PDE4D: variants seen among roughly 807,000 people sequenced by gnomAD.
PDE4D encodes the protein 3',5'-cyclic-AMP phosphodiesterase 4D.
Under a neutral mutation model 87.4 loss-of-function variants are expected in PDE4D, and 24 were observed. The observed-to-expected ratio is 0.27, with a 90% CI of 0.20 to 0.39. The LOEUF (loss-of-function observed/expected upper bound fraction) is 0.39, where lower values mean the gene tolerates loss of function less well. Among genes scored for constraint, PDE4D ranks in the 10% least tolerant of loss-of-function variants. The pLI, the probability that PDE4D is intolerant of heterozygous loss-of-function variation, is 1.00. For missense variants in PDE4D, 714 were observed against 1,041.0 expected, an observed-to-expected ratio of 0.69 and a Z score of 4.32; for synonymous variants, 384 against 383.2, an observed-to-expected ratio of 1.00 and a Z score of -0.02.
intron 1 of PDE4D, among the ~76,000 whole-genome samples, chr5:59,641,504 T>C (rs1300621811): frequency 2.0e-5 from 3 of 152,186 alleles, no homozygotes; most frequent in Non-Finnish European, 4.4e-5. Flanking sequence ...TTTCTATAGA[T>C]CTAACTTTGT....
At chr5:60,269,747 A>G (rs1750618622) in intron 1 of PDE4D, among the ~76,000 whole-genome samples, 1 of 152,236 alleles carries the variant, frequency 6.6e-6, no homozygotes, top group African/African-American at 2.4e-5. Context: ...GATGATGAAT[A>G]TATTGATTTG....
intron 1 of PDE4D, among the ~76,000 whole-genome samples, chr5:60,402,054 C>A (rs1439458403): frequency 6.6e-6 from 1 of 152,192 alleles, no homozygotes; most frequent in Non-Finnish European, 1.5e-5. Context: ...TAAATTGGAA[C>A]CCTGACAGCT....
At chr5:60,044,575 T>C (rs1192458557) in intron 2 of PDE4D, among the ~76,000 whole-genome samples, 4 of 151,540 alleles carry the variant, frequency 2.6e-5, no homozygotes, top group African/African-American at 9.7e-5. Flanking sequence ...CCATGTGTTC[T>C]CATTGTTCAA....
At chr5:59,042,740 T>C (rs920299828) in intron 5 of PDE4D, among the ~76,000 whole-genome samples, 2 of 152,194 alleles carry the variant, frequency 1.3e-5, no homozygotes, top group African/African-American at 4.8e-5. Flanking sequence ...TTGAACTATG[T>C]AACACCCGCA....
chr5:59,846,456 T>C (rs1226281443), intron 1 of PDE4D, among the ~76,000 whole-genome samples: 1 of 152,080 alleles, frequency 6.6e-6, no homozygotes, highest in African/African-American at 2.4e-5. Context: ...TCCGTAGAAA[T>C]TCTGACTCCT....
At chr5:60,510,133 C>A (rs576047991) in intron 1 of PDE4D, among the ~76,000 whole-genome samples, 1 of 152,194 alleles carries the variant, frequency 6.6e-6, no homozygotes, top group South Asian at 2.1e-4. Flanking sequence ...CTGCAGGAGA[C>A]CAGGGAATCA....
chr5:59,765,630 T>G (rs986155315), intron 1 of PDE4D, among the ~76,000 whole-genome samples: 5 of 152,144 alleles, frequency 3.3e-5, no homozygotes, highest in African/African-American at 7.2e-5. Flanking sequence ...TCTTTCATGG[T>G]CTTTCTCCTG....
At chr5:60,147,309 C>A (rs982724603) in intron 2 of PDE4D, among the ~76,000 whole-genome samples, 1 of 152,134 alleles carries the variant, frequency 6.6e-6, no homozygotes, top group Non-Finnish European at 1.5e-5. Context: ...TTTGTTTCAA[C>A]AGACAGGTCG....
At chr5:59,495,535 C>A (rs12514190) in intron 1 of PDE4D, among the ~76,000 whole-genome samples, 1 of 152,034 alleles carries the variant, frequency 6.6e-6, no homozygotes, top group Non-Finnish European at 1.5e-5. Context: ...AACAGAGAAA[C>A]GCCAGAATAG....
rs548982187 is a variant in PDE4D at position 59,865,305 on chromosome 5, T to C, written c.455+27863A>G. ...ACCTGTTTTTCGAAAACTGTATGAG[T>C]AACGAATATATTTTGGTAATTCTCC... On this transcript the variant is annotated intron_variant, in intron 1 of 14. Coordinates refer to ENST00000340635, the MANE Select transcript of PDE4D (RefSeq NM_001104631.2). Among the ~76,000 whole-genome samples, 8 of 152,306 alleles carry C rather than the reference T, an allele frequency of 5.3e-5. No homozygotes were observed. In the East Asian group the frequency reaches 1.2e-3, roughly 22 times the overall value.
intron 5 of PDE4D, among the ~76,000 whole-genome samples, chr5:59,156,688 T>A (rs1305131689): frequency 6.6e-6 from 1 of 152,038 alleles, no homozygotes; most frequent in Non-Finnish European, 1.5e-5. Context: ...AGAAATCAAC[T>A]TCTGTCTTGA....
intron 1 of PDE4D, among the ~76,000 whole-genome samples, chr5:59,322,133 A>G (rs1172728048): frequency 1.3e-5 from 2 of 152,142 alleles, no homozygotes; most frequent in South Asian, 2.1e-4. Context: ...ACTAATTAAG[A>G]CACACTATTG....
Position 59,103,737 on chromosome 5 carries a change from A to G in PDE4D, c.809-64766T>C, listed in dbSNP as rs1361682938. Reference sequence around the variant, plus strand: ...ATCATTTTTCATGGAACAGATCATTAGACTGATTTGAATAAAATGAATTGC... The same window carrying G: ...ATCATTTTTCATGGAACAGATCATTGGACTGATTTGAATAAAATGAATTGC... On this transcript the variant is annotated intron_variant, in intron 5 of 14. Coordinates refer to ENST00000340635, the MANE Select transcript of PDE4D (RefSeq NM_001104631.2). Among the ~76,000 whole-genome samples, 26 of 152,218 alleles carry G rather than the reference A, an allele frequency of 1.7e-4. 1 individual carries two copies. The highest frequency in any genetic ancestry group is 1.7e-3 in the Admixed American group (26 of 15,284).
chr5:59,756,879 C>A (rs1323679652), intron 1 of PDE4D, among the ~76,000 whole-genome samples: 1 of 144,112 alleles, frequency 6.9e-6, no homozygotes, highest in African/African-American at 2.6e-5. Context: ...CTCAAAGCAA[C>A]CTCCGCCTCC....
intron 2 of PDE4D, among the ~76,000 whole-genome samples, chr5:60,156,374 A>G (rs1781978853): frequency 6.6e-6 from 1 of 152,220 alleles, no homozygotes; most frequent in South Asian, 2.1e-4. Flanking sequence ...TCCAAGATTG[A>G]AAACACATTT....
At chr5:60,193,085 C>T (rs1562204025) in intron 1 of PDE4D, among the ~76,000 whole-genome samples, 1 of 152,044 alleles carries the variant, frequency 6.6e-6, no homozygotes, top group African/African-American at 2.4e-5. Flanking sequence ...CTACTATTTT[C>T]ATCCTCCATT....
At chr5:59,172,101 AT>A (rs1783011334) in intron 5 of PDE4D, among the ~76,000 whole-genome samples, 1 of 61,580 alleles carries the variant, frequency 1.6e-5, no homozygotes, top group African/African-American at 7.3e-5. Context: ...ATAAATATAT[AT>A]TATATATATA....
intron 1 of PDE4D, among the ~76,000 whole-genome samples, chr5:59,564,288 G>C (rs1196442326): frequency 2.0e-5 from 3 of 152,186 alleles, no homozygotes; most frequent in Admixed American, 6.5e-5. Context: ...CTTCAGGTGA[G>C]AGGAACAGCA....
intron 1 of PDE4D, among the ~76,000 whole-genome samples, chr5:59,579,051 C>T (rs557785811): frequency 2.0e-5 from 3 of 152,266 alleles, no homozygotes; most frequent in Admixed American, 1.3e-4. Flanking sequence ...TACCCCCAGA[C>T]ACTCCCTTAA....
Sources: gnomAD v4.1 joint callset for allele counts (sites outside exome capture counted in the v4.1 genomes callset) on GRCh38, gnomAD v4.1.1 for gene constraint, MANE v1.5 for transcripts, NCBI Gene and HGNC (gene_info 2026-07-23, HGNC 2026-07-21) for gene names.